Variants in SLC12A4 observed in about 807,000 individuals in gnomAD.
The protein encoded by SLC12A4 is solute carrier family 12 member 4, also known as electroneutral potassium-chloride cotransporter 1.
A neutral mutation model predicts 119.2 loss-of-function variants in SLC12A4; 84 were observed. The ratio of observed to expected loss-of-function variants is 0.70; its 90% CI spans 0.59 to 0.85. The LOEUF (loss-of-function observed/expected upper bound fraction) is 0.85. SLC12A4 is among the 40% of genes least tolerant of loss of function. The probability of loss-of-function intolerance (pLI) is 0.00; values close to 1 mark genes in which losing one functional copy is unlikely to be tolerated. For missense variants in SLC12A4, 1,298 were observed against 1,476.3 expected (o/e 0.88, Z 1.98); for synonymous variants, 599 against 604.6 (o/e 0.99, Z 0.14).
chr16:67,950,689 A>G lies in SLC12A4; in HGVS notation c.1419T>C (p.Phe473=). 1 of 1,611,966 alleles carries G rather than the reference A, an allele frequency of 6.2e-7. No individual in the cohort carries two copies. Among genetic ancestry groups the G allele is most frequent in the Non-Finnish European group, 8.5e-7 (1 of 1,179,038 alleles). ...SLVYFSSVVL[F]GACIEGVVLR... ...GAACCACACCCTCAATGCAGGCACC[A>G]AAGAGAACCACACTGCTGAAGTCTG... Residue 473 remains phenylalanine, a synonymous_variant, in exon 11 of 24, where the codon TTT becomes TTC. Coordinates refer to ENST00000316341, the MANE Select transcript of SLC12A4 (RefSeq NM_005072.5). The surrounding 1 kb of genome is among the most constrained non-coding windows in gnomAD (Gnocchi z 4.3).
In SLC12A4 at chr16:67,949,647, T is replaced by C. The variant is rs879006938; in HGVS notation, c.1748+153A>G. Reference sequence around the variant, plus strand: ...CATAGGTGCCAGGCTTGCTCCTAAATGCAGGGGTGGGCTGAGCCCTGTCAG... The same window carrying C: ...CATAGGTGCCAGGCTTGCTCCTAAACGCAGGGGTGGGCTGAGCCCTGTCAG... On this transcript the variant is annotated intron_variant, in intron 13 of 23. Transcript: ENST00000316341. The surrounding 1 kb of genome is among the most constrained non-coding windows in gnomAD (Gnocchi z 4.6). 1.7e-6 allele frequency: 1 copy of C among 584,696 alleles called. No homozygotes were observed. Among genetic ancestry groups the C allele is most frequent in the South Asian group, 2.1e-5 (1 of 48,652 alleles). 36.2% of individuals were successfully genotyped at this position (584,696 alleles called of 1,614,324 possible). A position where few individuals can be genotyped will look rare whatever the true frequency, so the allele number is the denominator to read the frequency against.
chr16:67,964,434 C>A (rs529815307), intron 1 of SLC12A4, among the ~76,000 whole-genome samples: 1 of 152,148 alleles, frequency 6.6e-6, no homozygotes, highest in African/African-American at 2.4e-5. Flanking sequence ...TTCATTCTTC[C>A]CTGTTTTCCA....
chr16:67,948,321 AAT>A, intron 13 of SLC12A4, among the ~76,000 whole-genome samples, 162 bp from the exon 14 acceptor site: 1 of 152,372 alleles, frequency 6.6e-6, no homozygotes, highest in Admixed American at 6.5e-5. Context: ...GGCCTGAGGC[AAT>A]GAGACTACTG....
rs2058315203 is a variant in SLC12A4 at position 67,944,205 on chromosome 16, G to A, written c.*635C>T. On this transcript the variant is annotated 3_prime_UTR_variant, in exon 24 of 24. Transcript: ENST00000316341. This position sits in a 1 kb window ranked among gnomAD's most constrained non-coding sequence, Gnocchi z 6.6. Reference sequence around the variant, plus strand: ...GCCAGTGGGAGGGACGGCCTGGCCAGTGGGGGTTGTGGCCAGAGATTGCCG... The same window carrying A: ...GCCAGTGGGAGGGACGGCCTGGCCAATGGGGGTTGTGGCCAGAGATTGCCG... 7 of 1,470,342 alleles carry A rather than the reference G, an allele frequency of 4.8e-6. No homozygotes were observed. Among genetic ancestry groups the A allele is most frequent in the Non-Finnish European group, 6.3e-6 (7 of 1,105,056 alleles). The allele number at this position is 1,470,342 out of a possible 1,614,324, so 91.1% of individuals were successfully genotyped here. A position where few individuals can be genotyped will look rare whatever the true frequency, so the allele number is the denominator to read the frequency against.
rs746357429 is a variant in SLC12A4, at chr16:67,949,773, CCCCTG to C, written c.1748+22_1748+26del. ...GGGGTTCAGGAAGCCTTTCCCCATC[CCCCTG>C]CCCTGCCCGGCCCCAGCTCACATGG... is the stretch of plus-strand genomic sequence containing the variant. On this transcript the variant is annotated intron_variant, in intron 13 of 23. Coordinates refer to ENST00000316341, the MANE Select transcript of SLC12A4 (RefSeq NM_005072.5). This position sits in a 1 kb window ranked among gnomAD's most constrained non-coding sequence, Gnocchi z 4.6. 2 of 1,527,748 alleles carry C rather than the reference CCCCTG, an allele frequency of 1.3e-6. No homozygotes were observed. Among genetic ancestry groups the C allele is most frequent in the Non-Finnish European group, 1.8e-6 (2 of 1,108,116 alleles). 94.6% of individuals were successfully genotyped at this position (1,527,748 alleles called of 1,614,324 possible). A position where few individuals can be genotyped will look rare whatever the true frequency, so the allele number is the denominator to read the frequency against.
chr16:67,965,652 G>T (rs1404662303), intron 1 of SLC12A4, among the ~76,000 whole-genome samples: 1 of 152,202 alleles, frequency 6.6e-6, no homozygotes, highest in Non-Finnish European at 1.5e-5. Flanking sequence ...TGGGTAGACT[G>T]TATTGCTATC....
Position 67,948,072 on chromosome 16 carries a change from C to T in SLC12A4, c.1836G>A (p.Lys612=), listed in dbSNP as rs1208071951. The change falls in exon 14 of 24, where the codon AAG becomes AAA. Residue 612 remains lysine, a synonymous_variant. Transcript: ENST00000316341. The part of the protein sequence containing the change: ...LRTPNWRPRF[K]YYHWALSFLG... Reference sequence around the variant, plus strand: ...GAGGCATGGCTCACCAGTGATAGTACTTGAACCGGGGCCGCCAGTTGGGGG... The same window carrying T: ...GAGGCATGGCTCACCAGTGATAGTATTTGAACCGGGGCCGCCAGTTGGGGG... 2 of 1,613,104 alleles carry T rather than the reference C, an allele frequency of 1.2e-6. No homozygotes were observed. The highest frequency in any genetic ancestry group is 1.1e-5 in the South Asian group (1 of 91,092).
chr16:67,944,899 G>C lies in SLC12A4; in HGVS notation c.3199C>G (p.Leu1067Val). 1.2e-6 allele frequency: 2 copies of C among 1,613,526 alleles called. No individual in the cohort carries two copies. Among genetic ancestry groups the C allele is most frequent in the Non-Finnish European group, 1.7e-6 (2 of 1,180,024 alleles). ...MEFLEVLTEG[L>V]ERVLLVRGGG... ...CCGCGCACCAACAGCACCCGCTCAA[G>C]GCCCTCGGTCAGCACCTCGAGGAAC... The change falls in exon 24 of 24, where the codon CTT (leucine) becomes GTT (valine). Residue 1067 changes from leucine (L) to valine (V), a missense_variant. By Grantham distance (32) the Leu-to-Val change is conservative (BLOSUM62 1). Transcript: ENST00000316341. This position sits in a 1 kb window ranked among gnomAD's most constrained non-coding sequence, Gnocchi z 6.6.
intron 6 of SLC12A4, chr16:67,954,030 C>G (rs1324696792): frequency 4.6e-6 from 1 of 216,454 alleles, no homozygotes; most frequent in Non-Finnish European, 1.0e-5. Flanking sequence ...CCAGGCAGTC[C>G]CTCCAGGTAT....
chr16:67,945,812 C>T lies in SLC12A4; in HGVS notation c.2799G>A (p.Ser933=), dbSNP rs749308496. 2.0e-5 allele frequency: 33 copies of T among 1,613,806 alleles called. No homozygotes were observed. Among genetic ancestry groups the T allele is most frequent in the Non-Finnish European group, 2.6e-5 (31 of 1,180,052 alleles). The change falls in exon 21 of 24, where the codon TCG becomes TCA. Residue 933 remains serine, a synonymous_variant. Coordinates refer to ENST00000316341, the MANE Select transcript of SLC12A4 (RefSeq NM_005072.5). ...TCAGTCTCATCTGCCGCAGCATCTG[C>T]GACCGCTGCTCCATCATCAGCGTCC... is the stretch of plus-strand genomic sequence containing the variant. ...YERTLMMEQR[S]QMLRQMRLTK...
chr16:67,953,802 A>G (rs2030082467), intron 6 of SLC12A4, among the ~76,000 whole-genome samples: 1 of 152,232 alleles, frequency 6.6e-6, no homozygotes, highest in Non-Finnish European at 1.5e-5. Flanking sequence ...GAAAATAAAT[A>G]ATGATAGTAT....
At chr16:67,955,745 G>A (rs894341607) in intron 5 of SLC12A4, among the ~76,000 whole-genome samples, 2 of 152,014 alleles carry the variant, frequency 1.3e-5, no homozygotes, top group Admixed American at 6.6e-5. Context: ...TAGGCGTGGC[G>A]GTGTGCACCT....
chr16:67,953,288 G>A (rs1414519202), intron 6 of SLC12A4, among the ~76,000 whole-genome samples: 1 of 152,220 alleles, frequency 6.6e-6, no homozygotes, highest in Non-Finnish European at 1.5e-5. Context: ...TCGGGAGGCT[G>A]AGGCAGGAGA....
rs78342180 is a variant in SLC12A4 at position 67,954,633 on chromosome 16, C to T, written c.675+10G>A. The T allele has an allele frequency of 1.8e-3, 2,876 of 1,614,066 alleles. 2 individuals carry two copies. Among genetic ancestry groups the T allele is most frequent in the Non-Finnish European group, 2.3e-3 (2,766 of 1,179,936 alleles). Reference sequence around the variant, plus strand: ...ATGGCCAGAGTTGGCCAGGGCTCAGCCTGACTCACCAGCAAGATCTCGATG... The same window carrying T: ...ATGGCCAGAGTTGGCCAGGGCTCAGTCTGACTCACCAGCAAGATCTCGATG... On this transcript the variant is annotated intron_variant, in intron 6 of 23. Coordinates refer to ENST00000316341, the MANE Select transcript of SLC12A4 (RefSeq NM_005072.5).
At chr16:67,945,032 C>A in intron 23 of SLC12A4, 55 bp downstream of exon 23, 3 of 1,593,694 alleles carry the variant, frequency 1.9e-6, no homozygotes, top group Non-Finnish European at 2.6e-6. Flanking sequence ...AAGCCGCTGG[C>A]TTGACCTCCC....
chr16:67,950,900 C>G lies in SLC12A4; in HGVS notation c.1396+62G>C, dbSNP rs944594615. ...GGTGTCTGTGCATGTGACCTGGCAACGTACACAGGCCAAGCGCTTCCCGTC... is the reference window on the plus strand; with the variant it reads ...GGTGTCTGTGCATGTGACCTGGCAAGGTACACAGGCCAAGCGCTTCCCGTC... On this transcript the variant is annotated intron_variant, in intron 10 of 23. Coordinates refer to ENST00000316341, the MANE Select transcript of SLC12A4 (RefSeq NM_005072.5). The surrounding 1 kb of genome is among the most constrained non-coding windows in gnomAD (Gnocchi z 4.3). 2 of 1,560,162 alleles carry G rather than the reference C, an allele frequency of 1.3e-6. No homozygotes were observed.
At chr16:67,948,947 G>T (rs1172984587) in intron 13 of SLC12A4, among the ~76,000 whole-genome samples, 1 of 152,182 alleles carries the variant, frequency 6.6e-6, no homozygotes. Context: ...GGCTGAGTGG[G>T]CAGGGAAGAG....
At chr16:67,955,644 G>A (rs1239552511) in intron 5 of SLC12A4, among the ~76,000 whole-genome samples, 1 of 152,178 alleles carries the variant, frequency 6.6e-6, no homozygotes, top group South Asian at 2.1e-4. Flanking sequence ...ATTTTGGGAG[G>A]CTGAGATGGG....
At chr16:67,960,594 G>C (rs937638586) in intron 3 of SLC12A4, among the ~76,000 whole-genome samples, 13 of 151,006 alleles carry the variant, frequency 8.6e-5, no homozygotes, top group South Asian at 2.1e-4. Flanking sequence ...TGCTTGTGCC[G>C]ACCTCTGAGA....
Sources: allele counts gnomAD v4.1 joint callset (sites outside exome capture counted in the v4.1 genomes callset), GRCh38; gene constraint gnomAD v4.1.1; non-coding constraint Gnocchi (gnomAD v3.1); transcripts MANE v1.5; gene names NCBI Gene and HGNC (gene_info 2026-07-23, HGNC 2026-07-21).